Variants in ERCC2 observed in about 807,000 individuals in gnomAD.
ERCC2 encodes the protein ERCC excision repair 2, TFIIH core complex helicase subunit, also known as general transcription and DNA repair factor IIH helicase subunit XPD.
Under a neutral mutation model 99.4 loss-of-function variants are expected in ERCC2, and 90 were observed. The ratio of observed to expected loss-of-function variants is 0.91; its 90% CI spans 0.76 to 1.08. ERCC2 has a LOEUF of 1.08. Among genes scored for constraint, ERCC2 ranks in the 50% least tolerant of loss-of-function variants. ERCC2 has a pLI of 0.00. For missense variants in ERCC2, 993 were observed against 1,038.1 expected (o/e 0.96, Z 0.60); for synonymous variants, 497 against 432.4 (o/e 1.15, Z -1.85).
At position 45,350,870 on chromosome 19, in the gene ERCC2, A is replaced by C. The variant is rs1971725225; in HGVS notation, c.*759T>G. 2 of 1,519,210 alleles carry C rather than the reference A, an allele frequency of 1.3e-6. No homozygotes were observed. The highest frequency in any genetic ancestry group is 1.8e-6 in the Non-Finnish European group (2 of 1,097,670). 94.1% of individuals were successfully genotyped at this position (1,519,210 alleles called of 1,614,324 possible). On this transcript the variant is annotated 3_prime_UTR_variant, in exon 23 of 23. Transcript: ENST00000391945. ...CCCATCTCCCCTGTGATACACACAGATCAAACCCTGTGCTGGAAAGGTCCC... is the reference window on the plus strand; with the variant it reads ...CCCATCTCCCCTGTGATACACACAGCTCAAACCCTGTGCTGGAAAGGTCCC...
rs1411740455 is a variant in ERCC2 at position 45,352,589 on chromosome 19, C to A, written c.1963G>T (p.Asp655Tyr). 2.5e-6 allele frequency: 4 copies of A among 1,613,920 alleles called. No individual in the cohort carries two copies. The highest frequency in any genetic ancestry group is 3.4e-6 in the Non-Finnish European group (4 of 1,180,036). Residue 655 changes from aspartate to tyrosine, a missense_variant, in exon 21 of 23, where the codon GAT becomes TAT. Asp to Tyr is a radical substitution (Grantham distance 160). Coordinates refer to ENST00000391945, the MANE Select transcript of ERCC2 (RefSeq NM_000400.4). ...QIRENDFLTF[D>Y]AMRHAAQCVG... ...CACTGGGCCGCGTGGCGCATGGCAT[C>A]GAAGGTAAGAAAGTCATTCTCACGA... is the stretch of plus-strand genomic sequence containing the variant.
At chr19:45,365,937 T>TG (rs2043915518) in intron 5 of ERCC2, among the ~76,000 whole-genome samples, 1 of 152,054 alleles carries the variant, frequency 6.6e-6, no homozygotes, top group African/African-American at 2.4e-5. Flanking sequence ...CAGGCTCAAG[T>TG]GATCCTTCCC....
rs1971660506 is a variant in ERCC2, at chr19:45,350,227, GCCTGGGCAACATA to G, written c.*1389_*1401del. 2 of 761,580 alleles carry G rather than the reference GCCTGGGCAACATA, an allele frequency of 2.6e-6. No homozygotes were observed. Among genetic ancestry groups the G allele is most frequent in the African/African-American group, 3.6e-5 (2 of 55,152 alleles). 47.2% of individuals were successfully genotyped at this position (761,580 alleles called of 1,614,324 possible). On this transcript the variant is annotated 3_prime_UTR_variant, in exon 23 of 23. Transcript: ENST00000391945. ...ACTTGAGGCTAGGAGTTCAAGACCAGCCTGGGCAACATACCAAGACCCCTGTCTCTACAAAAAA... is the reference window on the plus strand; with the variant it reads ...ACTTGAGGCTAGGAGTTCAAGACCAGCCAAGACCCCTGTCTCTACAAAAAA...
chr19:45,369,274 G>A, intron 2 of ERCC2, 127 bp from the exon 3 acceptor site: 1 of 771,716 alleles, frequency 1.3e-6, no homozygotes, highest in Non-Finnish European at 2.3e-6. Flanking sequence ...CAGCAGTTAA[G>A]ATTGGGCAGT....
At position 45,363,926 on chromosome 19, in the gene ERCC2, T is replaced by C. The variant is rs2123286647; in HGVS notation, c.950-15A>G. The C allele has an allele frequency of 3.9e-6, 6 of 1,539,128 alleles. No homozygotes were observed. The highest frequency in any genetic ancestry group is 4.4e-6 in the Non-Finnish European group (5 of 1,149,072). On this transcript the variant is annotated splice_polypyrimidine_tract_variant and intron_variant, in intron 10 of 22. Transcript: ENST00000391945. ...AGGCACTGCCTCTGCGAGGAGACGC[T>C]ATCAGCGGCGACGGGGAGGCGGGAA...
chr19:45,355,814 CTTT>C lies in ERCC2; in HGVS notation c.1480-89_1480-87del, dbSNP rs35665496. On this transcript the variant is annotated intron_variant, in intron 15 of 22. Coordinates refer to ENST00000391945, the MANE Select transcript of ERCC2 (RefSeq NM_000400.4). Reference sequence around the variant, plus strand: ...GACCACCTGCTGGTGCTGTTCTAAGCTTTTTTTTTTTTTTTTTTTAAAGAGAGA... The same window carrying C: ...GACCACCTGCTGGTGCTGTTCTAAGCTTTTTTTTTTTTTTTTAAAGAGAGA... 9.2e-3 allele frequency: 6,189 copies of C among 670,808 alleles called. 2 individuals are homozygous for C. The highest frequency in any genetic ancestry group is 0.011 in the Middle Eastern group (30 of 2,694). 41.6% of individuals were successfully genotyped at this position (670,808 alleles called of 1,614,324 possible).
intron 15 of ERCC2, among the ~76,000 whole-genome samples, chr19:45,356,946 G>T (rs566122646): frequency 1.3e-5 from 2 of 152,192 alleles, no homozygotes; most frequent in African/African-American, 4.8e-5. Context: ...CCACGTACTC[G>T]GCAAGATGCT....
chr19:45,352,215 G>A lies in ERCC2; in HGVS notation c.2184C>T (p.Phe728=). The change falls in exon 22 of 23, where the codon TTC becomes TTT. Residue 728 remains phenylalanine (F), a synonymous_variant. Coordinates refer to ENST00000391945, the MANE Select transcript of ERCC2 (RefSeq NM_000400.4). The stretch of plus-strand genomic sequence containing the variant: ...AGGGGGACGCAGGCCTCACCCGGTG[G>A]AAGGGCTGTGCCATCTGCCGCAGGA... ...KYFLRQMAQP[F]HREDQLGLSL... 2 of 1,613,878 alleles carry A rather than the reference G, an allele frequency of 1.2e-6. No individual in the cohort carries two copies. Among genetic ancestry groups the A allele is most frequent in the African/African-American group, 1.3e-5 (1 of 75,046 alleles).
intron 13 of ERCC2, 38 bp from the exon 14 acceptor site, chr19:45,357,581 G>A: frequency 6.2e-7 from 1 of 1,613,066 alleles, no homozygotes; most frequent in Non-Finnish European, 8.5e-7. Flanking sequence ...CCGGGGGGCT[G>A]GGCCCCCGAC....
At chr19:45,370,111 G>A (rs778120618) in intron 2 of ERCC2, 22 bp downstream of exon 2, 5 of 1,611,708 alleles carry the variant, frequency 3.1e-6, no homozygotes, top group Non-Finnish European at 4.2e-6. Context: ...GAGTGGGCGG[G>A]TCGGGCCCAC....
At position 45,351,439 on chromosome 19, in the gene ERCC2, T is replaced by G. The variant is rs923440890; in HGVS notation, c.*190A>C. 3 of 1,586,464 alleles carry G rather than the reference T, an allele frequency of 1.9e-6. No individual in the cohort carries two copies. The highest frequency in any genetic ancestry group is 2.7e-5 in the African/African-American group (2 of 74,560). On this transcript the variant is annotated 3_prime_UTR_variant, in exon 23 of 23. Transcript: ENST00000391945. ...TGGTGGGGTGAGAGGGGGTCTATCA[T>G]CTCCTGGCCCCCCCTTGCCTCTGGG... is the stretch of plus-strand genomic sequence containing the variant.
At position 45,370,531 on chromosome 19, in the gene ERCC2, C is replaced by T. The variant is rs1252767940; in HGVS notation, c.5+5G>A. ...AGCGAGCGCGACCCCCAGCCCCCTT[C>T]TCACTTCATGGCGCCGGCCGGACTG... On this transcript the variant is annotated splice_donor_5th_base_variant and intron_variant, in intron 1 of 22. Transcript: ENST00000391945. The T allele has an allele frequency of 6.3e-7, 1 of 1,591,208 alleles. No individual in the cohort carries two copies. The highest frequency in any genetic ancestry group is 1.7e-5 in the Admixed American group (1 of 58,868).
intron 5 of ERCC2, among the ~76,000 whole-genome samples, chr19:45,367,036 A>C (rs3916806): frequency 6.6e-6 from 1 of 151,734 alleles, no homozygotes; most frequent in Non-Finnish European, 1.5e-5. Flanking sequence ...ACTCCATTTC[A>C]AAAATAATAA....
rs1201118906 is a variant in ERCC2 at position 45,353,277 on chromosome 19, C to T, written c.1723G>A (p.Ala575Thr). The change falls in exon 18 of 23, where the codon GCC becomes ACC. Residue 575 changes from alanine (A) to threonine (T), a missense_variant. Transcript: ENST00000391945. The part of the protein sequence containing the change: ...KLLFIETQDG[A>T]ETSVALEKYQ... ...TTCTCCAGGGCGACACTGGTTTCGG[C>T]ACCATCCTGGGTCTCAATAAAGAGC... 7 of 1,614,070 alleles carry T rather than the reference C, an allele frequency of 4.3e-6. No homozygotes were observed. Among genetic ancestry groups the T allele is most frequent in the Admixed American group, 1.7e-5 (1 of 60,018 alleles).
chr19:45,370,370 C>A, intron 1 of ERCC2, 138 bp from the exon 2 acceptor site: 3 of 1,511,784 alleles, frequency 2.0e-6, no homozygotes, highest in Non-Finnish European at 1.8e-6. Context: ...AGCCTCGGGG[C>A]CCCCTCAGTG....
Position 45,351,680 on chromosome 19 carries a change from TAGCTGCTCC to T in ERCC2, c.2223_2231del (p.Gln743_Glu745del), listed in dbSNP as rs1162821974. On this transcript the variant is annotated inframe_deletion, in exon 23 of 23. Coordinates refer to ENST00000391945, the MANE Select transcript of ERCC2 (RefSeq NM_000400.4). ...TCCTCTTCAGCGTCTCCTCTGATTC[TAGCTGCTCC>T]AGGCTGAGCAGGGACAGGCCCAGCT... is the stretch of plus-strand genomic sequence containing the variant. The T allele has an allele frequency of 1.2e-6, 2 of 1,614,012 alleles. No individual in the cohort carries two copies. Among genetic ancestry groups the T allele is most frequent in the African/African-American group, 1.3e-5 (1 of 75,038 alleles).
Position 45,368,924 on chromosome 19 carries a change from G to A in ERCC2, c.246+6C>T. The A allele has an allele frequency of 6.2e-7, 1 of 1,614,076 alleles. No homozygotes were observed. Among genetic ancestry groups the A allele is most frequent in the Non-Finnish European group, 8.5e-7 (1 of 1,179,926 alleles). Reference sequence around the variant, plus strand: ...GGCTGGAGCACCAGGATGAGTCCCAGCTTACCTTCTCAATCTCTGGCACAG... The same window carrying A: ...GGCTGGAGCACCAGGATGAGTCCCAACTTACCTTCTCAATCTCTGGCACAG... On this transcript the variant is annotated splice_donor_region_variant and intron_variant, in intron 4 of 22. Coordinates refer to ENST00000391945, the MANE Select transcript of ERCC2 (RefSeq NM_000400.4).
At chr19:45,354,660 G>A in intron 17 of ERCC2, 70 bp downstream of exon 17, 3 of 1,597,322 alleles carry the variant, frequency 1.9e-6, no homozygotes, top group Non-Finnish European at 1.7e-6. Flanking sequence ...TGAGAGGAAT[G>A]AAGCTGACAT....
rs774990171 is a variant in ERCC2 at position 45,364,818 on chromosome 19, CA to C, written c.594+19del. On this transcript the variant is annotated intron_variant, in intron 7 of 22. Transcript: ENST00000391945. ...ACACCCTCACACTCGCCCCTCTGCCCATCCCACCAGCCTCCTCACTGAGTAT... is the reference window on the plus strand; with the variant it reads ...ACACCCTCACACTCGCCCCTCTGCCCTCCCACCAGCCTCCTCACTGAGTAT... The C allele has an allele frequency of 3.2e-6, 5 of 1,579,624 alleles. No homozygotes were observed. The African/African-American group carries it at 6.7e-5, about 21-fold the overall frequency.
Sources: allele counts gnomAD v4.1 joint callset (sites outside exome capture counted in the v4.1 genomes callset), GRCh38; gene constraint gnomAD v4.1.1; transcripts MANE v1.5; gene names NCBI Gene and HGNC (gene_info 2026-07-23, HGNC 2026-07-21).